The following FER variants were observed in gnomAD, a reference collection of about 807,000 sequenced individuals.
FER encodes the protein tyrosine-protein kinase Fer.
Under a neutral mutation model 111.0 loss-of-function variants are expected in FER, and 63 were observed. That is an observed-to-expected ratio of 0.57 (90% CI 0.46 to 0.70). The LOEUF is 0.70. Ranked by LOEUF, FER falls within the 30% of genes least tolerant of loss-of-function variation. The probability of loss-of-function intolerance (pLI) is 0.00; values close to 1 mark genes in which losing one functional copy is unlikely to be tolerated. For synonymous variants in FER, 327 were observed against 313.9 expected (o/e 1.04, Z -0.44); for missense variants, 914 against 954.0 (o/e 0.96, Z 0.55).
intron 13 of FER, among the ~76,000 whole-genome samples, chr5:108,973,293 T>A (rs905034491): frequency 6.6e-6 from 1 of 152,198 alleles, no homozygotes; most frequent in Admixed American, 6.5e-5. Flanking sequence ...AACGATTTAA[T>A]TGTGCCACAA....
intron 10 of FER, among the ~76,000 whole-genome samples, chr5:108,909,266 CT>C (rs374718784): frequency 1.5e-3 from 223 of 151,566 alleles, no homozygotes; most frequent in African/African-American, 4.9e-3. Context: ...ATTTTAAATC[CT>C]TTTTTTTATT....
chr5:108,789,325 C>G (rs1231249199), intron 2 of FER, among the ~76,000 whole-genome samples: 1 of 151,716 alleles, frequency 6.6e-6, no homozygotes, highest in African/African-American at 2.4e-5. Context: ...CACTACTTGT[C>G]ACATAGAGTT....
At chr5:108,862,140 A>G (rs1399828957) in intron 5 of FER, among the ~76,000 whole-genome samples, 7 of 152,150 alleles carry the variant, frequency 4.6e-5, no homozygotes, top group African/African-American at 2.4e-5. Context: ...TTATTATTTT[A>G]ATACAATAGA....
intron 1 of FER, among the ~76,000 whole-genome samples, chr5:108,762,995 A>G (rs1257393428): frequency 1.3e-5 from 2 of 151,960 alleles, no homozygotes; most frequent in East Asian, 3.8e-4. Context: ...ACTACCTAAC[A>G]CTGTGTATTT....
intron 10 of FER, among the ~76,000 whole-genome samples, chr5:108,908,438 AAATC>A (rs1751088559): frequency 6.6e-6 from 1 of 152,232 alleles, no homozygotes; most frequent in African/African-American, 2.4e-5. Flanking sequence ...AAATATTAAT[AAATC>A]AATCAAAAGT....
intron 13 of FER, among the ~76,000 whole-genome samples, chr5:109,028,770 A>G (rs914108802): frequency 1.2e-4 from 19 of 152,206 alleles, no homozygotes; most frequent in African/African-American, 4.6e-4. Context: ...TTCTTGCCCT[A>G]TTTATAGCAG....
chr5:109,132,043 C>T (rs151065266), intron 17 of FER, among the ~76,000 whole-genome samples: 2 of 152,250 alleles, frequency 1.3e-5, no homozygotes, highest in African/African-American at 4.8e-5. Flanking sequence ...TATGTGTCTA[C>T]AGTAAATATG....
intron 10 of FER, among the ~76,000 whole-genome samples, chr5:108,927,031 T>C (rs967796177): frequency 5.3e-5 from 8 of 152,140 alleles, no homozygotes; most frequent in Admixed American, 1.3e-4. Flanking sequence ...CTGGGTCATC[T>C]GTTCCCTCCA....
chr5:109,172,693 A>G (rs1393253750), intron 17 of FER, among the ~76,000 whole-genome samples: 1 of 152,170 alleles, frequency 6.6e-6, no homozygotes, highest in African/African-American at 2.4e-5. Context: ...AGATTAAAAC[A>G]TTTACTTAAA....
intron 17 of FER, among the ~76,000 whole-genome samples, chr5:109,179,737 A>G (rs977955262): frequency 1.3e-5 from 2 of 152,184 alleles, no homozygotes; most frequent in Admixed American, 1.3e-4. Flanking sequence ...TAAGTAATCT[A>G]GAGATGATTT....
intron 13 of FER, among the ~76,000 whole-genome samples, chr5:109,024,351 G>A (rs1305735348): frequency 6.6e-6 from 1 of 152,102 alleles, no homozygotes; most frequent in Non-Finnish European, 1.5e-5. Flanking sequence ...GCCTGGACAA[G>A]GTTCACTCCT....
At chr5:108,896,968 A>G (rs920223740) in intron 9 of FER, among the ~76,000 whole-genome samples, 8 of 152,182 alleles carry the variant, frequency 5.3e-5, no homozygotes, top group African/African-American at 1.7e-4. Context: ...CGTGGCTTCA[A>G]TGTGGGTGAA....
chr5:109,132,321 A>G (rs1198165838), intron 17 of FER, among the ~76,000 whole-genome samples: 2 of 152,242 alleles, frequency 1.3e-5, no homozygotes, highest in Non-Finnish European at 2.9e-5. Flanking sequence ...AAATTAAAAT[A>G]CAGCTAAGGC....
At chr5:108,781,144 A>G (rs1445907824) in intron 2 of FER, among the ~76,000 whole-genome samples, 2 of 152,076 alleles carry the variant, frequency 1.3e-5, no homozygotes, top group Non-Finnish European at 2.9e-5. Context: ...ATCCTTTGCC[A>G]TGTCTGAGTC....
chr5:109,056,310 GA>G (rs1453248146), intron 16 of FER, among the ~76,000 whole-genome samples: 4 of 152,106 alleles, frequency 2.6e-5, no homozygotes, highest in Non-Finnish European at 4.4e-5. Flanking sequence ...CCAAGATACG[GA>G]AAAAAACTAA....
chr5:109,066,633 A>G (rs77361939), intron 16 of FER, among the ~76,000 whole-genome samples: 14 of 152,340 alleles, frequency 9.2e-5, no homozygotes, highest in African/African-American at 3.4e-4. Flanking sequence ...GTTGGAGACA[A>G]ATGTGTCATC....
At chr5:109,100,644 G>A (rs542021500) in intron 17 of FER, 125 bp downstream of exon 17, 3 of 952,982 alleles carry the variant, frequency 3.1e-6, no homozygotes, top group Admixed American at 5.8e-5. Flanking sequence ...TCTGTATTTT[G>A]TGTGAAAGTG....
chr5:108,813,205 A>G (rs922174746), intron 3 of FER, among the ~76,000 whole-genome samples: 6 of 152,038 alleles, frequency 3.9e-5, no homozygotes, highest in Non-Finnish European at 8.8e-5. Context: ...CTGTTTGGCA[A>G]TTTCTTTACA....
chr5:108,766,569 G>A (rs892821968), intron 1 of FER, among the ~76,000 whole-genome samples: 2 of 152,186 alleles, frequency 1.3e-5, no homozygotes, highest in Non-Finnish European at 2.9e-5. Context: ...GGAATAAAAT[G>A]TTTTCCTAAG....
Sources: allele counts gnomAD v4.1 joint callset (sites outside exome capture counted in the v4.1 genomes callset), GRCh38; gene constraint gnomAD v4.1.1; transcripts MANE v1.5; gene names NCBI Gene and HGNC (gene_info 2026-07-23, HGNC 2026-07-21).